The following RSU1 variants were observed in gnomAD, a reference collection of about 807,000 sequenced individuals.
RSU1 encodes the protein Ras suppressor protein 1.
Under a neutral mutation model 31.1 loss-of-function variants are expected in RSU1, and 26 were observed. The observed-to-expected ratio is 0.84, with a 90% CI of 0.61 to 1.16. RSU1 has a LOEUF of 1.16. RSU1 is among the 50% of genes most tolerant of loss of function. The pLI is 0.00. For synonymous variants in RSU1, 164 were observed against 136.3 expected, an observed-to-expected ratio of 1.20 and a Z score of -1.41; for missense variants, 320 against 339.1, an observed-to-expected ratio of 0.94 and a Z score of 0.44.
rs747422299 is a variant in RSU1 at position 16,684,616 on chromosome 10, T to C, written c.731+10407A>G. On this transcript the variant is annotated intron_variant, in intron 8 of 8. Coordinates refer to ENST00000345264, the MANE Select transcript of RSU1 (RefSeq NM_012425.4). Reference sequence around the variant, plus strand: ...AGGAGAGAGGCCTTAGACAAACCCTTCCCTAACTGCCCTCAGAAAAAACCA... The same window carrying C: ...AGGAGAGAGGCCTTAGACAAACCCTCCCCTAACTGCCCTCAGAAAAAACCA... Among the ~76,000 whole-genome samples the C allele has an allele frequency of 2.6e-5, 4 of 152,036 alleles. 1 individual carries two copies. The highest frequency in any genetic ancestry group is 2.0e-4 in the Admixed American group (3 of 15,266).
chr10:16,746,849 C>T (rs1431716968), intron 7 of RSU1, among the ~76,000 whole-genome samples: 6 of 152,060 alleles, frequency 3.9e-5, no homozygotes, highest in African/African-American at 1.4e-4. Context: ...AGCCACACGG[C>T]TGGCTGCTTT....
chr10:16,718,568 A>G (rs1160243508), intron 7 of RSU1, among the ~76,000 whole-genome samples: 1 of 152,150 alleles, frequency 6.6e-6, no homozygotes, highest in Non-Finnish European at 1.5e-5. Context: ...AATGATGACA[A>G]TTTAAAACGG....
intron 8 of RSU1, among the ~76,000 whole-genome samples, chr10:16,681,205 G>C (rs1835322918): frequency 1.3e-5 from 2 of 152,154 alleles, no homozygotes; most frequent in South Asian, 4.1e-4. Context: ...CATCTTAAAT[G>C]ATCCTTTACA....
At chr10:16,620,936 C>G (rs1834058865) in intron 8 of RSU1, among the ~76,000 whole-genome samples, 1 of 151,924 alleles carries the variant, frequency 6.6e-6, no homozygotes. Context: ...ACAATGCAAA[C>G]TGGGCAGTCC....
At chr10:16,737,276 A>G (rs2131606377) in intron 7 of RSU1, among the ~76,000 whole-genome samples, 2 of 152,248 alleles carry the variant, frequency 1.3e-5, no homozygotes, top group Middle Eastern at 3.4e-3. Flanking sequence ...CATATATGAG[A>G]CAAGCTCCAT....
At chr10:16,656,974 G>T (rs1834795031) in intron 8 of RSU1, among the ~76,000 whole-genome samples, 1 of 152,194 alleles carries the variant, frequency 6.6e-6, no homozygotes, top group South Asian at 2.1e-4. Context: ...GGAAAACACT[G>T]TTCTCTTTAA....
chr10:16,761,629 G>A (rs1371165808), intron 4 of RSU1, among the ~76,000 whole-genome samples: 1 of 152,124 alleles, frequency 6.6e-6, no homozygotes, highest in Non-Finnish European at 1.5e-5. Context: ...GGCCGAGGCG[G>A]GTGGATCATG....
intron 7 of RSU1, among the ~76,000 whole-genome samples, chr10:16,726,389 T>C (rs1359777299): frequency 2.6e-5 from 4 of 151,040 alleles, no homozygotes; most frequent in Admixed American, 6.6e-5. Context: ...TACCTCAGCC[T>C]CCTGACTAGC....
intron 7 of RSU1, among the ~76,000 whole-genome samples, chr10:16,733,368 C>T (rs537719227): frequency 1.0e-4 from 15 of 147,038 alleles, no homozygotes; most frequent in Admixed American, 4.1e-4. Flanking sequence ...ATGAGCCAAG[C>T]GTGGTGGCAG....
At chr10:16,718,894 T>C (rs1050044193) in intron 7 of RSU1, among the ~76,000 whole-genome samples, 1 of 151,672 alleles carries the variant, frequency 6.6e-6, no homozygotes, top group African/African-American at 2.4e-5. Flanking sequence ...GACAGGAGAA[T>C]TGCTTGATCC....
intron 7 of RSU1, among the ~76,000 whole-genome samples, chr10:16,716,370 A>C (rs759506602): frequency 2.6e-5 from 4 of 152,178 alleles, no homozygotes; most frequent in Non-Finnish European, 5.9e-5. Flanking sequence ...AGAAACGTCT[A>C]CACTATTGCA....
chr10:16,678,009 C>T (rs552773777), intron 8 of RSU1, among the ~76,000 whole-genome samples: 4 of 152,084 alleles, frequency 2.6e-5, no homozygotes, highest in Admixed American at 6.6e-5. Context: ...AAAAAAAATC[C>T]TTGTCTCACT....
chr10:16,746,183 A>G (rs1366768189), intron 7 of RSU1, among the ~76,000 whole-genome samples: 1 of 152,160 alleles, frequency 6.6e-6, no homozygotes, highest in Non-Finnish European at 1.5e-5. Context: ...ACTCTTCACA[A>G]GTATGCTAGA....
intron 8 of RSU1, among the ~76,000 whole-genome samples, chr10:16,625,294 T>A (rs1225853460): frequency 1.3e-5 from 2 of 152,066 alleles, no homozygotes; most frequent in Non-Finnish European, 2.9e-5. Flanking sequence ...TCTCGTGGGG[T>A]CTGGTTTGTC....
intron 8 of RSU1, among the ~76,000 whole-genome samples, chr10:16,617,063 C>T (rs762485221): frequency 3.3e-5 from 5 of 152,306 alleles, no homozygotes; most frequent in East Asian, 3.9e-4. Context: ...TTGCAGATGA[C>T]GTGATTGCAT....
At chr10:16,671,011 C>A (rs1351789893) in intron 8 of RSU1, among the ~76,000 whole-genome samples, 1 of 152,200 alleles carries the variant, frequency 6.6e-6, no homozygotes, top group Admixed American at 6.5e-5. Context: ...GGTGATCCAC[C>A]TGCCTCGGCT....
At position 16,590,853 on chromosome 10, in the gene RSU1, A is replaced by C. The variant is rs1380951949; in HGVS notation, c.*2541T>G. 6.6e-6 allele frequency: 1 copy of C among 152,186 alleles called. No homozygotes were observed. The highest frequency in any genetic ancestry group is 6.5e-5 in the Admixed American group (1 of 15,274). The allele number at this position is 152,186 out of a possible 1,614,324, so 9.4% of individuals were successfully genotyped here. A position where few individuals can be genotyped will look rare whatever the true frequency, so the allele number is the denominator to read the frequency against. On this transcript the variant is annotated 3_prime_UTR_variant, in exon 9 of 9. Coordinates refer to ENST00000345264, the MANE Select transcript of RSU1 (RefSeq NM_012425.4). Reference sequence around the variant, plus strand: ...CCATCCTTATATAGTTAGTTTTAAAAATCTTGCTTTTTCTGTTTAATCAGA... The same window carrying C: ...CCATCCTTATATAGTTAGTTTTAAACATCTTGCTTTTTCTGTTTAATCAGA...
intron 3 of RSU1, among the ~76,000 whole-genome samples, chr10:16,778,767 C>A (rs918021959): frequency 3.9e-5 from 6 of 152,046 alleles, no homozygotes; most frequent in African/African-American, 1.4e-4. Flanking sequence ...AGAAGATGAT[C>A]CATCTTCCTA....
At chr10:16,793,441 C>T (rs1837968212) in intron 2 of RSU1, among the ~76,000 whole-genome samples, 2 of 152,176 alleles carry the variant, frequency 1.3e-5, no homozygotes, top group African/African-American at 4.8e-5. Flanking sequence ...ATGAGCTGGT[C>T]ACTAATTGGA....
Sources: gnomAD v4.1 joint callset for allele counts (sites outside exome capture counted in the v4.1 genomes callset) on GRCh38, gnomAD v4.1.1 for gene constraint, MANE v1.5 for transcripts, NCBI Gene and HGNC (gene_info 2026-07-23, HGNC 2026-07-21) for gene names.